The following MED14 variants were observed in gnomAD, a reference collection of about 807,000 sequenced individuals.
The protein encoded by MED14 is mediator complex subunit 14.
In MED14, 8 loss-of-function variants were observed where a neutral mutation model predicts 109.0. That is an observed-to-expected ratio of 0.07 (90% CI 0.04 to 0.13). The LOEUF (loss-of-function observed/expected upper bound fraction) is 0.13, where lower values mean the gene tolerates loss of function less well. Ranked by LOEUF, MED14 falls within the 10% of genes least tolerant of loss-of-function variation. The probability of loss-of-function intolerance (pLI) is 1.00; values close to 1 mark genes in which losing one functional copy is unlikely to be tolerated. For missense variants in MED14, 711 were observed against 1,142.4 expected (o/e 0.62, Z 5.44); for synonymous variants, 399 against 408.7 (o/e 0.98, Z 0.29).
At chrX:40,693,340 T>C (rs1321146226) in intron 13 of MED14, among the ~76,000 whole-genome samples, 1 of 111,635 alleles carries the variant, frequency 9.0e-6, no homozygotes, top group Non-Finnish European at 1.9e-5. Context: ...GATGACTGAA[T>C]CATGGGGGCG....
chrX:40,657,906 C>T (rs1411637940), intron 28 of MED14, among the ~76,000 whole-genome samples: 1 of 110,310 alleles, frequency 9.1e-6, no homozygotes, highest in Non-Finnish European at 1.9e-5. Context: ...GTTCTCCTGC[C>T]TCAGCCTCCC....
At chrX:40,724,808 T>C (rs112933015) in intron 3 of MED14, among the ~76,000 whole-genome samples, 2,813 of 110,427 alleles carry the variant, frequency 0.025, 82 homozygotes, top group African/African-American at 0.086. Context: ...AAATAATAAA[T>C]ATCAGGGCAG....
In MED14 at chrX:40,712,932, C is replaced by G. The variant is rs375479685; in HGVS notation, c.763G>C (p.Glu255Gln). ...WRLLKLEILVEDKETGDGRAL... is the reference protein window; with the variant it reads ...WRLLKLEILVQDKETGDGRAL... ...GATTTACCTCCTGTTTCCTTATCCTCAACTAGAATTTCTAGCTTGAGAAGA... is the reference window on the plus strand; with the variant it reads ...GATTTACCTCCTGTTTCCTTATCCTGAACTAGAATTTCTAGCTTGAGAAGA... The change falls in exon 6 of 31, where the codon GAG (glutamate) becomes CAG (glutamine). Residue 255 changes from glutamate to glutamine, a missense_variant. Physicochemically the swap from Glu to Gln is conservative, Grantham distance 29 (BLOSUM62 2). Transcript: ENST00000324817. 283 of 1,180,319 alleles carry G rather than the reference C, an allele frequency of 2.4e-4. No homozygotes were observed. Among genetic ancestry groups the G allele is most frequent in the Non-Finnish European group, 3.0e-4 (265 of 875,492 alleles).
chrX:40,670,914 G>A (rs1929707404), intron 23 of MED14, among the ~76,000 whole-genome samples: 1 of 112,123 alleles, frequency 8.9e-6, no homozygotes, highest in Admixed American at 9.4e-5. Context: ...TTTCTGATAA[G>A]CCCGAATGCC....
Position 40,651,645 on chromosome X carries a change from T to C in MED14, c.*161A>G, listed in dbSNP as rs1928880266. The C allele has an allele frequency of 9.6e-6, 10 of 1,043,207 alleles. No individual in the cohort carries two copies. Among genetic ancestry groups the C allele is most frequent in the South Asian group, 6.3e-5 (2 of 31,993 alleles). The allele number at this position is 1,043,207 out of a possible 1,213,427, so 86.0% of individuals were successfully genotyped here. ...TCATTATACAAAAGATGGATGATCA[T>C]TTTGATGAAAGAAGTGCACCCTGAA... On this transcript the variant is annotated 3_prime_UTR_variant, in exon 31 of 31. Coordinates refer to ENST00000324817, the MANE Select transcript of MED14 (RefSeq NM_004229.4).
At position 40,709,381 on chromosome X, in the gene MED14, C is replaced by T; in HGVS notation, c.1252G>A (p.Ala418Thr). The T allele has an allele frequency of 1.1e-5, 12 of 1,133,788 alleles. No individual in the cohort carries two copies. Among genetic ancestry groups the T allele is most frequent in the Non-Finnish European group, 1.4e-5 (12 of 844,996 alleles). 93.4% of individuals were successfully genotyped at this position (1,133,788 alleles called of 1,213,427 possible). Reference protein sequence around the residue: ...RAHQKLQELKAILRGFNANEN... With the variant: ...RAHQKLQELKTILRGFNANEN... ...TTGGCATTGAAGCCTCTAAGAATGG[C>T]CTTCAGTTCTTGGAGCTTCTGATGA... The change falls in exon 10 of 31, where the codon GCC becomes ACC. Residue 418 changes from alanine to threonine, a missense_variant. Physicochemically the swap from Ala to Thr is moderately conservative, Grantham distance 58. Transcript: ENST00000324817.
At position 40,654,361 on chromosome X, in the gene MED14, T is replaced by C; in HGVS notation, c.4291+3A>G. On this transcript the variant is annotated splice_donor_region_variant and intron_variant, in intron 30 of 30. Transcript: ENST00000324817. Reference sequence around the variant, plus strand: ...AATAAAATATTGTCTACTGGTCATGTACCTTGTCGTGGTGGATTCATCTCT... The same window carrying C: ...AATAAAATATTGTCTACTGGTCATGCACCTTGTCGTGGTGGATTCATCTCT... 1 of 1,210,142 alleles carries C rather than the reference T, an allele frequency of 8.3e-7. No homozygotes were observed. Among genetic ancestry groups the C allele is most frequent in the Non-Finnish European group, 1.1e-6 (1 of 894,088 alleles).
chrX:40,735,641 G>T, upstream of MED14: 1 of 497,624 alleles, frequency 2.0e-6, no homozygotes, highest in Non-Finnish European at 3.6e-6. Context: ...GGGATGGGGG[G>T]GAAGCAGGGC....
At chrX:40,669,335 T>G (rs888985602) in intron 23 of MED14, among the ~76,000 whole-genome samples, 2 of 112,060 alleles carry the variant, frequency 1.8e-5, no homozygotes, top group African/African-American at 6.5e-5. Flanking sequence ...TCTCCTGTTT[T>G]GTCTACTTCC....
intron 3 of MED14, among the ~76,000 whole-genome samples, chrX:40,718,171 A>G (rs963769571): frequency 8.9e-6 from 1 of 112,309 alleles, no homozygotes; most frequent in Admixed American, 9.4e-5. Flanking sequence ...TAAAAATGCT[A>G]CCTTCTATGA....
chrX:40,651,772 T>C lies in MED14; in HGVS notation c.*34A>G. The C allele has an allele frequency of 2.6e-6, 3 of 1,148,911 alleles. No individual in the cohort carries two copies. The highest frequency in any genetic ancestry group is 3.5e-6 in the Non-Finnish European group (3 of 869,033). The allele number at this position is 1,148,911 out of a possible 1,213,427, so 94.7% of individuals were successfully genotyped here. On this transcript the variant is annotated 3_prime_UTR_variant, in exon 31 of 31. Transcript: ENST00000324817. ...AATTCAGATTTTTTTTGTTGTCTCA[T>C]CTGTCAGCCTTCCTGGTTTAAAAAC...
intron 13 of MED14, among the ~76,000 whole-genome samples, chrX:40,695,579 C>T (rs774397662): frequency 6.0e-4 from 67 of 112,103 alleles, no homozygotes; most frequent in Non-Finnish European, 3.8e-5. Context: ...TAAATTATAA[C>T]CATTTTTGTC....
chrX:40,735,601 A>T, upstream of MED14: 1 of 511,341 alleles, frequency 2.0e-6, no homozygotes, highest in East Asian at 3.7e-5. Context: ...CGCCGACCCC[A>T]GGGACAGGAG....
At chrX:40,697,247 AT>A in intron 12 of MED14, 64 bp from the exon 13 acceptor site, 1 of 661,886 alleles carries the variant, frequency 1.5e-6, no homozygotes. Flanking sequence ...TGCCCTATCG[AT>A]TTACAAATGA....
chrX:40,688,469 G>C lies in MED14; in HGVS notation c.2042C>G (p.Ala681Gly). 8.3e-7 allele frequency: 1 copy of C among 1,203,769 alleles called. No individual in the cohort carries two copies. Among genetic ancestry groups the C allele is most frequent in the Non-Finnish European group, 1.1e-6 (1 of 888,136 alleles). The change falls in exon 16 of 31, where the codon GCA becomes GGA. Residue 681 changes from alanine to glycine, a missense_variant. Physicochemically the swap from Ala to Gly is moderately conservative, Grantham distance 60 (BLOSUM62 0). Transcript: ENST00000324817. ...VQVEGDGFSH[A>G]IRLLKIPPCK... ...AGGGGCTTACTTTAATAAGCGAATT[G>C]CATGGCTGAAGCCATCACCTTCCAC...
chrX:40,659,833 A>G, intron 26 of MED14: 1 of 299,136 alleles, frequency 3.3e-6, no homozygotes, highest in Non-Finnish European at 5.8e-6. Flanking sequence ...TATTCTTGCA[A>G]AACAACATAA....
At chrX:40,695,173 G>C (rs926696023) in intron 13 of MED14, among the ~76,000 whole-genome samples, 2 of 111,721 alleles carry the variant, frequency 1.8e-5, no homozygotes, top group Non-Finnish European at 3.8e-5. Context: ...TGATTATAAG[G>C]GGTATTATGT....
rs758570997 is a variant in MED14, at chrX:40,654,860, C to T, written c.4098+75G>A. 9 of 1,115,672 alleles carry T rather than the reference C, an allele frequency of 8.1e-6. No homozygotes were observed. In the Admixed American group the frequency reaches 1.0e-4, roughly 13 times the overall value. The allele number at this position is 1,115,672 out of a possible 1,213,427, so 91.9% of individuals were successfully genotyped here. A position where few individuals can be genotyped will look rare whatever the true frequency, so the allele number is the denominator to read the frequency against. Reference sequence around the variant, plus strand: ...AACAAGAGATAATTTATGCAGTTATCCAAAAGTTGCTCTATTATCATGTGG... The same window carrying T: ...AACAAGAGATAATTTATGCAGTTATTCAAAAGTTGCTCTATTATCATGTGG... On this transcript the variant is annotated intron_variant, in intron 29 of 30. Transcript: ENST00000324817.
chrX:40,695,803 C>T (rs774251200), intron 13 of MED14, among the ~76,000 whole-genome samples: 194 of 112,096 alleles, frequency 1.7e-3, no homozygotes, highest in Non-Finnish European at 1.5e-3. Context: ...ACTCACTAGT[C>T]TACATAAGTA....
Sources: gnomAD v4.1 joint callset for allele counts (sites outside exome capture counted in the v4.1 genomes callset) on GRCh38, gnomAD v4.1.1 for gene constraint, MANE v1.5 for transcripts, NCBI Gene and HGNC (gene_info 2026-07-23, HGNC 2026-07-21) for gene names.